Variants in SYT1 observed in about 807,000 individuals in gnomAD.
SYT1 encodes the protein synaptotagmin 1, also known as synaptotagmin-1.
In SYT1, 8 loss-of-function variants were observed where a neutral mutation model predicts 44.8. The ratio of observed to expected loss-of-function variants is 0.18; its 90% CI spans 0.10 to 0.32. The LOEUF is 0.32. Among genes scored for constraint, SYT1 ranks in the 10% least tolerant of loss-of-function variants. The probability of loss-of-function intolerance (pLI) is 1.00; values close to 1 mark genes in which losing one functional copy is unlikely to be tolerated. For synonymous variants in SYT1, 154 were observed against 188.8 expected (o/e 0.82, Z 1.51); for missense variants, 286 against 509.3 (o/e 0.56, Z 4.22).
At chr12:79,435,665 G>C (rs1394526548) in intron 9 of SYT1, among the ~76,000 whole-genome samples, 1 of 152,098 alleles carries the variant, frequency 6.6e-6, no homozygotes, top group Non-Finnish European at 1.5e-5. Flanking sequence ...TCACAGCCTT[G>C]TTTCAGTTAC....
chr12:79,091,043 A>G (rs577920756), intron 3 of SYT1, among the ~76,000 whole-genome samples: 133 of 152,048 alleles, frequency 8.7e-4, no homozygotes, highest in African/African-American at 3.2e-3. Flanking sequence ...ATACATGTAA[A>G]TTTATTTTAC....
chr12:78,983,260 G>T (rs1869402534), intron 2 of SYT1, among the ~76,000 whole-genome samples: 1 of 151,978 alleles, frequency 6.6e-6, no homozygotes, highest in East Asian at 1.9e-4. Context: ...TAGATAAGAT[G>T]AATTGCCGGA....
intron 2 of SYT1, among the ~76,000 whole-genome samples, chr12:79,043,084 G>GA (rs1468221253): frequency 2.0e-5 from 3 of 149,748 alleles, no homozygotes; most frequent in Non-Finnish European, 3.0e-5. Context: ...GTGTGGTGCT[G>GA]AAAAAAATGT....
chr12:79,157,213 C>T (rs71463807), intron 3 of SYT1, among the ~76,000 whole-genome samples: 3,492 of 152,236 alleles, frequency 0.023, 59 homozygotes, highest in Non-Finnish European at 0.035. Flanking sequence ...AACTGCTTGC[C>T]GTTTATTGCA....
chr12:78,920,876 G>A (rs1321100161), intron 1 of SYT1, among the ~76,000 whole-genome samples: 1 of 151,878 alleles, frequency 6.6e-6, no homozygotes, highest in African/African-American at 2.4e-5. Flanking sequence ...TAGCAGGTTT[G>A]TTCAAGGCCA....
chr12:79,322,794 G>C (rs1180791721), intron 8 of SYT1, among the ~76,000 whole-genome samples: 1 of 151,934 alleles, frequency 6.6e-6, no homozygotes, highest in Non-Finnish European at 1.5e-5. Flanking sequence ...GAGGCAGCTG[G>C]GAATGACTTT....
intron 3 of SYT1, among the ~76,000 whole-genome samples, chr12:79,070,259 C>T (rs983342075): frequency 2.6e-4 from 40 of 152,196 alleles, no homozygotes; most frequent in African/African-American, 4.8e-4. Flanking sequence ...ACATTTTTGC[C>T]TCCAAAATGC....
At chr12:79,153,691 C>T (rs1368264977) in intron 3 of SYT1, among the ~76,000 whole-genome samples, 1 of 152,086 alleles carries the variant, frequency 6.6e-6, no homozygotes, top group Non-Finnish European at 1.5e-5. Flanking sequence ...ATGATAATCT[C>T]TGACATAAAA....
At chr12:78,870,748 A>C (rs1305356705) in intron 1 of SYT1, among the ~76,000 whole-genome samples, 2 of 151,908 alleles carry the variant, frequency 1.3e-5, no homozygotes, top group African/African-American at 4.8e-5. Context: ...CTTGAGGCTC[A>C]TTTCCGCTGG....
chr12:78,961,607 G>A (rs147226354), intron 1 of SYT1, among the ~76,000 whole-genome samples: 100 of 152,096 alleles, frequency 6.6e-4, no homozygotes, highest in African/African-American at 2.2e-3. Context: ...TGGGTCGCAA[G>A]CAGTATGGCA....
At chr12:79,121,915 A>G (rs980607774) in intron 3 of SYT1, among the ~76,000 whole-genome samples, 2 of 152,246 alleles carry the variant, frequency 1.3e-5, no homozygotes, top group Non-Finnish European at 2.9e-5. Context: ...CTAATACAAG[A>G]TAGCCTGATA....
At chr12:79,111,235 G>A (rs939839996) in intron 3 of SYT1, among the ~76,000 whole-genome samples, 38 of 151,904 alleles carry the variant, frequency 2.5e-4, no homozygotes, top group African/African-American at 8.7e-4. Flanking sequence ...AATCCCTAGG[G>A]GAATATATTA....
chr12:79,078,261 A>G (rs1482801797), intron 3 of SYT1, among the ~76,000 whole-genome samples: 5 of 152,024 alleles, frequency 3.3e-5, no homozygotes. Context: ...TTCTCCCCTC[A>G]CCTTCACTCT....
At chr12:78,946,052 C>T (rs2137272552) in intron 1 of SYT1, among the ~76,000 whole-genome samples, 1 of 152,244 alleles carries the variant, frequency 6.6e-6, no homozygotes, top group Non-Finnish European at 1.5e-5. Flanking sequence ...AAATTTTAGG[C>T]TATAACACAG....
intron 2 of SYT1, among the ~76,000 whole-genome samples, chr12:79,023,783 C>G (rs958778973): frequency 1.3e-5 from 2 of 151,474 alleles, no homozygotes; most frequent in African/African-American, 4.8e-5. Context: ...TATTCCATCT[C>G]TCTCTCTCTC....
chr12:79,007,421 G>A (rs112560600), intron 2 of SYT1, among the ~76,000 whole-genome samples: 267 of 152,198 alleles, frequency 1.8e-3, no homozygotes, highest in African/African-American at 5.8e-3. Flanking sequence ...CATGTTTTAT[G>A]TGATTATTGT....
intron 4 of SYT1, among the ~76,000 whole-genome samples, chr12:79,252,135 G>C (rs188260905): frequency 4.5e-4 from 68 of 152,162 alleles, no homozygotes; most frequent in Admixed American, 4.3e-3. Flanking sequence ...CCTAAGTTTA[G>C]TAAAAAATCA....
intron 3 of SYT1, among the ~76,000 whole-genome samples, chr12:79,124,956 T>G (rs917155677): frequency 6.6e-6 from 1 of 152,118 alleles, no homozygotes; most frequent in Admixed American, 6.5e-5. Context: ...GGAGGGAAAT[T>G]GAGAGATGGG....
At chr12:78,956,512 G>A (rs914842695) in intron 1 of SYT1, among the ~76,000 whole-genome samples, 4 of 151,306 alleles carry the variant, frequency 2.6e-5, no homozygotes, top group African/African-American at 7.3e-5. Context: ...AGGTTTTAAC[G>A]TGTTTCAGGA....
Sources: allele counts gnomAD v4.1 joint callset (sites outside exome capture counted in the v4.1 genomes callset), GRCh38; gene constraint gnomAD v4.1.1; transcripts MANE v1.5; gene names NCBI Gene and HGNC (gene_info 2026-07-23, HGNC 2026-07-21).